Variants in FKBP1A observed in about 807,000 individuals in gnomAD.
FKBP1A encodes the protein FKBP prolyl isomerase 1A.
FKBP1A carries 5 observed loss-of-function variants against 14.2 expected under a neutral mutation model. That is an observed-to-expected ratio of 0.35 (90% CI 0.18 to 0.74). FKBP1A has a LOEUF of 0.74. FKBP1A is among the 30% of genes least tolerant of loss of function. The pLI, the probability that FKBP1A is intolerant of heterozygous loss-of-function variation, is 0.56. For synonymous variants in FKBP1A, 42 were observed against 49.1 expected (o/e 0.86, Z 0.60); for missense variants, 53 against 138.8 (o/e 0.38, Z 3.10).
Position 1,372,557 on chromosome 20 carries a change from A to G in FKBP1A, c.199-317T>C, listed in dbSNP as rs189985939. 3.9e-4 allele frequency among the ~76,000 whole-genome samples: 59 copies of G among 152,288 alleles called. 1 individual carries two copies. The highest frequency in any genetic ancestry group is 3.5e-3 in the Admixed American group (53 of 15,296). On this transcript the variant is annotated intron_variant, in intron 3 of 4. Transcript: ENST00000400137. ...AGGCAGGTAACATTCCAGATGTCTC[A>G]CCACCTAGTCCCCTTCAGTGATCTG...
chr20:1,385,136 T>C (rs2122698717), intron 2 of FKBP1A, among the ~76,000 whole-genome samples: 1 of 152,308 alleles, frequency 6.6e-6, no homozygotes, highest in South Asian at 2.1e-4. Flanking sequence ...ACGCCTGTAA[T>C]CCTAGCACTT....
intron 3 of FKBP1A, among the ~76,000 whole-genome samples, chr20:1,373,570 T>C (rs1379547332): frequency 2.6e-5 from 4 of 151,310 alleles, no homozygotes; most frequent in Non-Finnish European, 4.4e-5. Context: ...GATCTCAAAC[T>C]ACCCAGACTT....
intron 1 of FKBP1A, 39 bp downstream of exon 1, chr20:1,392,923 C>A: frequency 8.5e-7 from 1 of 1,173,870 alleles, no homozygotes; most frequent in Non-Finnish European, 1.2e-6. Flanking sequence ...ATGCGCGCGG[C>A]GGCAGAGGTA....
chr20:1,385,128 G>A (rs1211722160), intron 2 of FKBP1A, among the ~76,000 whole-genome samples: 4 of 152,164 alleles, frequency 2.6e-5, no homozygotes, highest in Admixed American at 1.3e-4. Context: ...AGTGGCTCAC[G>A]CCTGTAATCC....
chr20:1,371,062 G>A (rs1170251614), intron 4 of FKBP1A: 9 of 985,436 alleles, frequency 9.1e-6, no homozygotes, highest in Admixed American at 6.1e-5. Flanking sequence ...AGCTCTGACT[G>A]CCATCACAAA....
At chr20:1,389,341 C>T (rs1214330493) in intron 2 of FKBP1A, among the ~76,000 whole-genome samples, 1 of 152,188 alleles carries the variant, frequency 6.6e-6, no homozygotes, top group Non-Finnish European at 1.5e-5. Context: ...TGCCTCAAGA[C>T]AGCACACGTC....
chr20:1,372,710 A>G (rs1568585409), intron 3 of FKBP1A, among the ~76,000 whole-genome samples: 2 of 152,168 alleles, frequency 1.3e-5, no homozygotes, highest in South Asian at 2.1e-4. Flanking sequence ...TATTTTTTCT[A>G]TTTATACTCT....
At chr20:1,377,793 G>C (rs1311665069) in intron 2 of FKBP1A, 1 of 152,194 alleles carries the variant, frequency 6.6e-6, no homozygotes, top group African/African-American at 2.4e-5. Flanking sequence ...CCGACTCCAA[G>C]GCTCAGTAAC....
At chr20:1,372,835 T>A (rs1007105525) in intron 3 of FKBP1A, among the ~76,000 whole-genome samples, 1 of 152,246 alleles carries the variant, frequency 6.6e-6, no homozygotes, top group Non-Finnish European at 1.5e-5. Flanking sequence ...AAAACATCTT[T>A]GGAAGGACAT....
intron 4 of FKBP1A, chr20:1,371,066 T>A: frequency 1.0e-6 from 1 of 985,448 alleles, no homozygotes; most frequent in Non-Finnish European, 1.2e-6. Context: ...CTGACTGCCA[T>A]CACAAATAGG....
chr20:1,375,449 G>A (rs968850297), intron 3 of FKBP1A, 42 bp downstream of exon 3: 11 of 1,408,538 alleles, frequency 7.8e-6, no homozygotes, highest in Non-Finnish European at 1.0e-5. Context: ...AATATAAAAG[G>A]TAAATACTAG....
intron 2 of FKBP1A, among the ~76,000 whole-genome samples, chr20:1,381,545 C>T (rs2089616443): frequency 6.6e-6 from 1 of 152,150 alleles, no homozygotes; most frequent in Non-Finnish European, 1.5e-5. Flanking sequence ...CATACACCTC[C>T]CATATGACCC....
Position 1,391,754 on chromosome 20 carries a change from G to A in FKBP1A, c.85+1080C>T, listed in dbSNP as rs550312752. The A allele has an allele frequency of 5.9e-4, 152 of 257,348 alleles. 1 individual carries two copies. The South Asian group carries it at 0.014, about 24-fold the overall frequency. The allele number at this position is 257,348 out of a possible 1,614,324, so 15.9% of individuals were successfully genotyped here. A position where few individuals can be genotyped will look rare whatever the true frequency, so the allele number is the denominator to read the frequency against. On this transcript the variant is annotated intron_variant, in intron 2 of 4. Transcript: ENST00000400137. ...CCAGGAGGAGGAAGAGGAGGAGAGG[G>A]AGTGGGAAAAAAAGAGGGAGGAGGA...
rs968431593 is a variant in FKBP1A at position 1,369,214 on chromosome 20, A to T, written c.*895T>A. 6.0e-6 allele frequency: 1 copy of T among 167,064 alleles called. No homozygotes were observed. The highest frequency in any genetic ancestry group is 6.5e-5 in the Admixed American group (1 of 15,288). The allele number at this position is 167,064 out of a possible 1,614,324, so 10.3% of individuals were successfully genotyped here. On this transcript the variant is annotated 3_prime_UTR_variant, in exon 5 of 5. Transcript: ENST00000400137. ...ACCAGCATCATTTTCTTAAGAGAAC[A>T]TTCAAGGATTTGTCATGATGGCTGG...
chr20:1,384,215 G>A (rs1341879409), intron 2 of FKBP1A, among the ~76,000 whole-genome samples: 1 of 152,118 alleles, frequency 6.6e-6, no homozygotes, highest in Non-Finnish European at 1.5e-5. Context: ...TATATTTACT[G>A]TGTAAATATA....
chr20:1,374,579 G>A (rs1181679838), intron 3 of FKBP1A: 2 of 152,200 alleles, frequency 1.3e-5, no homozygotes, highest in Non-Finnish European at 2.9e-5. Flanking sequence ...AACCCCTAGA[G>A]ATGGTAACTT....
intron 4 of FKBP1A, among the ~76,000 whole-genome samples, chr20:1,371,316 G>A (rs1201695204): frequency 6.6e-6 from 1 of 152,140 alleles, no homozygotes. Flanking sequence ...CAACAAACAG[G>A]GGCTCTGGTC....
At chr20:1,389,348 C>T (rs973770975) in intron 2 of FKBP1A, among the ~76,000 whole-genome samples, 2 of 152,182 alleles carry the variant, frequency 1.3e-5, no homozygotes, top group South Asian at 2.1e-4. Flanking sequence ...AGACAGCACA[C>T]GTCAGGGGAA....
intron 4 of FKBP1A, chr20:1,370,996 A>G: frequency 1.0e-6 from 1 of 985,388 alleles, no homozygotes; most frequent in Non-Finnish European, 1.2e-6. Flanking sequence ...GTTCAAACAG[A>G]GAGTTTAAAA....
Sources: allele counts gnomAD v4.1 joint callset (sites outside exome capture counted in the v4.1 genomes callset), GRCh38; gene constraint gnomAD v4.1.1; transcripts MANE v1.5; gene names NCBI Gene and HGNC (gene_info 2026-07-23, HGNC 2026-07-21).